DST: variants seen among roughly 807,000 people sequenced by gnomAD.
The protein encoded by DST is bullous pemphigoid antigen.
In DST, 253 loss-of-function variants were observed where a neutral mutation model predicts 875.2. The observed-to-expected ratio is 0.29, with a 90% CI of 0.26 to 0.32. The LOEUF (loss-of-function observed/expected upper bound fraction) is 0.32. Among genes scored for constraint, DST ranks in the 10% least tolerant of loss-of-function variants. The pLI is 1.00. For synonymous variants in DST, 3,124 were observed against 3,197.1 expected, an observed-to-expected ratio of 0.98 and a Z score of 0.77; for missense variants, 8,287 against 9,111.6, an observed-to-expected ratio of 0.91 and a Z score of 3.68.
At chr6:56,593,492 G>C (rs903587874) in intron 48 of DST, among the ~76,000 whole-genome samples, 171 bp downstream of exon 48, 1 of 133,940 alleles carries the variant, frequency 7.5e-6, no homozygotes. Flanking sequence ...ACTCCAGCCT[G>C]GGCGACAGAG....
At chr6:56,515,127 A>G (rs1290594062) in intron 72 of DST, among the ~76,000 whole-genome samples, 2 of 152,204 alleles carry the variant, frequency 1.3e-5, no homozygotes, top group Admixed American at 6.5e-5. Context: ...AAACAATTCA[A>G]TGTGTGTAAA....
chr6:56,893,711 AG>A (rs1386706949), intron 3 of DST, among the ~76,000 whole-genome samples: 1 of 67,308 alleles, frequency 1.5e-5, no homozygotes, highest in Non-Finnish European at 2.6e-5. Flanking sequence ...AAGTGAACAA[AG>A]GTCTCTGGTT....
chr6:56,712,090 C>CAAAAAAAAAAAAAAA lies in DST; in HGVS notation c.688-7736_688-7722dup, dbSNP rs34769867. Among the ~76,000 whole-genome samples the CAAAAAAAAAAAAAAA allele has an allele frequency of 9.8e-3, 741 of 75,390 alleles. 3 individuals carry two copies. The highest frequency in any genetic ancestry group is 0.021 in the Middle Eastern group (2 of 96). The allele number at this position is 75,390 out of a possible 152,430, so 49.5% of individuals were successfully genotyped here. A position where few individuals can be genotyped will look rare whatever the true frequency, so the allele number is the denominator to read the frequency against. ...TGGGCGACAGAGCGAGACTCCGTCT[C>CAAAAAAAAAAAAAAA]AAAAAAAAAAAAAAAATAGGAGGAG... On this transcript the variant is annotated intron_variant, in intron 5 of 103. Transcript: ENST00000680361.
At chr6:56,758,944 G>T (rs1449885390) in intron 4 of DST, among the ~76,000 whole-genome samples, 1 of 152,246 alleles carries the variant, frequency 6.6e-6, no homozygotes, top group African/African-American at 2.4e-5. Context: ...AAGCAGCAAA[G>T]AAGTTGCACA....
At chr6:56,657,302 A>G (rs2099013939) in intron 10 of DST, among the ~76,000 whole-genome samples, 1 of 152,172 alleles carries the variant, frequency 6.6e-6, no homozygotes, top group Non-Finnish European at 1.5e-5. Context: ...TTTATTAAAT[A>G]TACAAGAAAA....
chr6:56,607,476 A>G lies in DST; in HGVS notation c.7152T>C (p.Cys2384=), dbSNP rs2098508562. ...RVETNERANE[C]SHSKNIQNFP... ...AGTTTTGAATGTTTTTAGAATGACT[A>G]CATTCATTTGCACGTTCATTTGTTT... is the stretch of plus-strand genomic sequence containing the variant. The change falls in exon 40 of 104, where the codon TGT becomes TGC. Residue 2384 remains cysteine, a synonymous_variant. Transcript: ENST00000680361. The G allele has an allele frequency of 3.1e-6, 5 of 1,598,888 alleles. No homozygotes were observed. Among genetic ancestry groups the G allele is most frequent in the Non-Finnish European group, 4.3e-6 (5 of 1,171,510 alleles).
chr6:56,552,422 G>A lies in DST; in HGVS notation c.16370C>T (p.Pro5457Leu), dbSNP rs189808261. Residue 5457 changes from proline to leucine, a missense_variant, in exon 61 of 104, where the codon CCT becomes CTT. By Grantham distance (98) the Pro-to-Leu change is moderately conservative (BLOSUM62 -3). Transcript: ENST00000680361. ...KMMLATEETS[P>L]DLVGIKRDLE... is the part of the protein sequence containing the mutation. The stretch of plus-strand genomic sequence containing the variant: ...GTCCCTTTTGATTCCAACAAGGTCA[G>A]GAGAGGTTTCTTCTGTGGCTAACAT... 6.2e-6 allele frequency: 10 copies of A among 1,613,982 alleles called. No individual in the cohort carries two copies. The East Asian group carries it at 2.2e-4, about 36-fold the overall frequency.
chr6:56,894,817 A>C (rs1419927109), intron 3 of DST, among the ~76,000 whole-genome samples: 8 of 51,524 alleles, frequency 1.6e-4, no homozygotes, highest in Admixed American at 5.0e-4. Flanking sequence ...TGACCCCCCC[A>C]CCTCCCTCCC....
intron 54 of DST, among the ~76,000 whole-genome samples, chr6:56,569,242 G>A (rs191787915): frequency 3.3e-4 from 49 of 150,044 alleles, no homozygotes; most frequent in Middle Eastern, 3.4e-3. Flanking sequence ...GGAGAATGGC[G>A]TGAACCCAGG....
At chr6:56,663,087 C>A (rs2099053479) in intron 10 of DST, among the ~76,000 whole-genome samples, 1 of 152,160 alleles carries the variant, frequency 6.6e-6, no homozygotes, top group South Asian at 2.1e-4. Flanking sequence ...GTAATATATT[C>A]AGATATTTCC....
chr6:56,695,181 AC>A (rs1285200972), intron 9 of DST, among the ~76,000 whole-genome samples: 1 of 145,288 alleles, frequency 6.9e-6, no homozygotes, highest in African/African-American at 2.6e-5. Flanking sequence ...GGTACCTCCT[AC>A]CCCTCCTCCT....
chr6:56,929,481 G>A (rs1236877791), intron 2 of DST, among the ~76,000 whole-genome samples: 3 of 151,954 alleles, frequency 2.0e-5, no homozygotes, highest in African/African-American at 7.2e-5. Context: ...CATATAAAAA[G>A]GGTAAAATAA....
intron 49 of DST, among the ~76,000 whole-genome samples, chr6:56,587,643 G>T (rs2098183490): frequency 6.6e-6 from 1 of 152,158 alleles, no homozygotes; most frequent in Non-Finnish European, 1.5e-5. Context: ...AGGAAAAAAT[G>T]TAAAGGGCAG....
intron 5 of DST, among the ~76,000 whole-genome samples, chr6:56,709,029 G>C (rs1414881099): frequency 6.6e-6 from 1 of 152,166 alleles, no homozygotes; most frequent in Non-Finnish European, 1.5e-5. Flanking sequence ...AGTGCTAGAG[G>C]AAGTGACGAG....
At chr6:56,727,536 C>CAA (rs1205801560) in intron 5 of DST, among the ~76,000 whole-genome samples, 3 of 152,168 alleles carry the variant, frequency 2.0e-5, no homozygotes, top group Non-Finnish European at 2.9e-5. Context: ...TTAGAAATTA[C>CAA]CCTTTTCCAG....
chr6:56,902,598 T>A (rs1469569745), intron 2 of DST, among the ~76,000 whole-genome samples: 6 of 152,256 alleles, frequency 3.9e-5, no homozygotes, highest in Admixed American at 2.6e-4. Context: ...GCAAATGGAT[T>A]TGGCAAAACC....
chr6:56,828,999 T>C (rs1004476482), intron 4 of DST, among the ~76,000 whole-genome samples: 1 of 152,068 alleles, frequency 6.6e-6, no homozygotes, highest in Non-Finnish European at 1.5e-5. Context: ...AAGCTGTAGT[T>C]CCCCCAAGAC....
At chr6:56,776,975 A>G (rs2152984925) in intron 4 of DST, among the ~76,000 whole-genome samples, 1 of 152,364 alleles carries the variant, frequency 6.6e-6, no homozygotes, top group Middle Eastern at 3.4e-3. Context: ...AAATTTTAAC[A>G]ATTATAGTAA....
Position 56,681,274 on chromosome 6 carries a change from C to G in DST, c.1048-10467G>C, listed in dbSNP as rs1275190174. Among the ~76,000 whole-genome samples the G allele has an allele frequency of 3.9e-5, 6 of 152,246 alleles. No homozygotes were observed. The South Asian group carries it at 1.0e-3, about 26-fold the overall frequency. ...GCGTTTTCAACCTCTGTGCCCACAT[C>G]CAATTGGTAACACAGTCCTCTGCAG... On this transcript the variant is annotated intron_variant, in intron 9 of 103. Transcript: ENST00000680361.
Sources: allele counts gnomAD v4.1 joint callset (sites outside exome capture counted in the v4.1 genomes callset), GRCh38; gene constraint gnomAD v4.1.1; transcripts MANE v1.5; gene names NCBI Gene and HGNC (gene_info 2026-07-23, HGNC 2026-07-21).